COL24A1: variants seen among roughly 807,000 people sequenced by gnomAD.
COL24A1 encodes collagen alpha-1(XXIV) chain.
COL24A1 carries 224 observed loss-of-function variants against 253.9 expected under a neutral mutation model. That is an observed-to-expected ratio of 0.88 (90% CI 0.79 to 0.99). The LOEUF (loss-of-function observed/expected upper bound fraction) is 0.99, where lower values mean the gene tolerates loss of function less well. COL24A1 is among the 50% of genes least tolerant of loss of function. COL24A1 has a pLI of 0.00. For synonymous variants in COL24A1, 685 were observed against 673.7 expected (o/e 1.02, Z -0.26); for missense variants, 2,131 against 2,068.5 (o/e 1.03, Z -0.59).
intron 57 of COL24A1, 36 bp from the exon 58 acceptor site, chr1:85,737,541 T>C: frequency 2.2e-6 from 3 of 1,366,472 alleles, no homozygotes; most frequent in Non-Finnish European, 3.1e-6. Flanking sequence ...GTTAAAGTTA[T>C]TAAATGCCAT....
chr1:86,073,104 A>G (rs1430594072), intron 7 of COL24A1, among the ~76,000 whole-genome samples: 1 of 152,218 alleles, frequency 6.6e-6, no homozygotes, highest in Non-Finnish European at 1.5e-5. Flanking sequence ...GCAAGTGAAC[A>G]AAACTGGATG....
At chr1:85,831,470 C>A (rs1675273594) in intron 43 of COL24A1, among the ~76,000 whole-genome samples, 1 of 152,084 alleles carries the variant, frequency 6.6e-6, no homozygotes, top group Non-Finnish European at 1.5e-5. Context: ...CCAAGACAAA[C>A]CTGCATTCTA....
chr1:85,920,790 G>T (rs1686375324), intron 24 of COL24A1, among the ~76,000 whole-genome samples: 2 of 152,018 alleles, frequency 1.3e-5, no homozygotes, highest in African/African-American at 4.8e-5. Context: ...TGCTTGTAAA[G>T]AATCTATCTT....
At chr1:86,040,684 T>C (rs753162920) in intron 12 of COL24A1, among the ~76,000 whole-genome samples, 3 of 152,002 alleles carry the variant, frequency 2.0e-5, no homozygotes, top group Non-Finnish European at 2.9e-5. Flanking sequence ...AAATCTTCCA[T>C]ACACCCTGTC....
At chr1:85,938,128 G>C (rs1571295060) in intron 24 of COL24A1, among the ~76,000 whole-genome samples, 1 of 147,502 alleles carries the variant, frequency 6.8e-6, no homozygotes, top group African/African-American at 2.5e-5. Context: ...TATCCTATAG[G>C]ATGAAGTATA....
At chr1:85,793,276 T>G (rs578041742) in intron 47 of COL24A1, among the ~76,000 whole-genome samples, 6 of 152,248 alleles carry the variant, frequency 3.9e-5, no homozygotes, top group African/African-American at 1.4e-4. Flanking sequence ...GAGGTACATA[T>G]AGGATATAGG....
intron 24 of COL24A1, among the ~76,000 whole-genome samples, chr1:85,957,895 C>T (rs1396707790): frequency 6.6e-6 from 1 of 152,176 alleles, no homozygotes. Flanking sequence ...ATGATTGGCT[C>T]CTGCCTCCTT....
At chr1:85,883,042 T>G (rs1373407107) in intron 32 of COL24A1, among the ~76,000 whole-genome samples, 1 of 152,204 alleles carries the variant, frequency 6.6e-6, no homozygotes, top group African/African-American at 2.4e-5. Flanking sequence ...ATTTCTTAAG[T>G]GGTATACTTA....
At chr1:86,014,669 A>C (rs921666650) in intron 19 of COL24A1, among the ~76,000 whole-genome samples, 1 of 151,944 alleles carries the variant, frequency 6.6e-6, no homozygotes, top group Non-Finnish European at 1.5e-5. Flanking sequence ...CCAACTTTTC[A>C]AGCAAAAAGT....
intron 24 of COL24A1, among the ~76,000 whole-genome samples, chr1:85,946,327 G>A (rs1377306086): frequency 2.0e-5 from 3 of 152,080 alleles, no homozygotes; most frequent in Non-Finnish European, 4.4e-5. Flanking sequence ...CACACCATGT[G>A]CCTTTTGCCT....
In COL24A1 at chr1:86,125,947, C is replaced by T. The variant is rs748234133; in HGVS notation, c.389G>A (p.Arg130Lys). Residue 130 changes from arginine (R) to lysine (K), a missense_variant, in exon 3 of 60, where the codon AGA (arginine) becomes AAA (lysine). Arg to Lys is a conservative substitution (Grantham distance 26, BLOSUM62 2). Coordinates refer to ENST00000370571, the MANE Select transcript of COL24A1 (RefSeq NM_152890.7). The part of the protein sequence containing the change: ...AFLFSIRNKN[R>K]LQLGVQLLPK... ...TAGTAATTGTACTCCTAATTGCAGT[C>T]TATTTTTATTTCTAATGCTGAAGAG... 2.6e-5 allele frequency: 42 copies of T among 1,613,318 alleles called. No individual in the cohort carries two copies. The highest frequency in any genetic ancestry group is 8.5e-6 in the Non-Finnish European group (10 of 1,179,754).
chr1:86,108,552 G>A (rs890984496), intron 5 of COL24A1, among the ~76,000 whole-genome samples: 1 of 145,594 alleles, frequency 6.9e-6, no homozygotes, highest in Admixed American at 7.1e-5. Context: ...GGAGGTCAAG[G>A]CAGGTGGATC....
rs532163011 is a variant in COL24A1, at chr1:86,120,002, T to G, written c.1492-4624A>C. ...AAATAACACCACACATCTACAACTA[T>G]CTGATCTTTCACAAACCTGACAAAA... On this transcript the variant is annotated intron_variant, in intron 3 of 59. Transcript: ENST00000370571. Among the ~76,000 whole-genome samples, 3 of 152,268 alleles carry G rather than the reference T, an allele frequency of 2.0e-5. No individual in the cohort carries two copies. The South Asian group carries it at 6.2e-4, about 32-fold the overall frequency.
chr1:86,109,761 TTTTTC>T (rs1189345169), intron 5 of COL24A1, among the ~76,000 whole-genome samples: 1 of 152,232 alleles, frequency 6.6e-6, no homozygotes, highest in African/African-American at 2.4e-5. Context: ...TATGCACACT[TTTTTC>T]TTTTCTTCTC....
chr1:85,953,622 T>C (rs916736286), intron 24 of COL24A1, among the ~76,000 whole-genome samples: 8 of 152,238 alleles, frequency 5.3e-5, no homozygotes, highest in Non-Finnish European at 1.0e-4. Context: ...TTTTTAACTG[T>C]ATCTTTCTTT....
At chr1:85,872,278 T>TATA (rs1195073255) in intron 35 of COL24A1, among the ~76,000 whole-genome samples, 1 of 152,068 alleles carries the variant, frequency 6.6e-6, no homozygotes, top group Non-Finnish European at 1.5e-5. Flanking sequence ...CCCAAGGTAG[T>TATA]TTATAGATTC....
At chr1:85,808,405 T>C (rs1266807195) in intron 47 of COL24A1, among the ~76,000 whole-genome samples, 2 of 152,174 alleles carry the variant, frequency 1.3e-5, no homozygotes, top group Non-Finnish European at 1.5e-5. Flanking sequence ...CTAAACAATA[T>C]AGCCACTGGC....
intron 5 of COL24A1, among the ~76,000 whole-genome samples, chr1:86,108,611 C>T (rs1009384613): frequency 3.2e-5 from 3 of 93,148 alleles, no homozygotes; most frequent in Non-Finnish European, 6.1e-5. Context: ...GGAGAAACCC[C>T]ATCTCTACTA....
At chr1:85,873,804 ATG>A (rs1341440310) in intron 35 of COL24A1, among the ~76,000 whole-genome samples, 1 of 150,480 alleles carries the variant, frequency 6.6e-6, no homozygotes, top group Non-Finnish European at 1.5e-5. Context: ...CGTTGTGCAC[ATG>A]TACCCTAGAA....
Sources: allele counts gnomAD v4.1 joint callset (sites outside exome capture counted in the v4.1 genomes callset), GRCh38; gene constraint gnomAD v4.1.1; transcripts MANE v1.5; gene names NCBI Gene and HGNC (gene_info 2026-07-23, HGNC 2026-07-21).